Variants in RPS6KC1 observed in about 807,000 individuals in gnomAD.
The protein encoded by RPS6KC1 is ribosomal protein S6 kinase C1.
A neutral mutation model predicts 103.8 loss-of-function variants in RPS6KC1; 54 were observed. The ratio of observed to expected loss-of-function variants is 0.52; its 90% CI spans 0.42 to 0.65. The LOEUF is 0.65. Among genes scored for constraint, RPS6KC1 ranks in the 30% least tolerant of loss-of-function variants. The probability of loss-of-function intolerance (pLI) is 0.00; values close to 1 mark genes in which losing one functional copy is unlikely to be tolerated. For missense variants in RPS6KC1, 1,151 were observed against 1,253.8 expected (o/e 0.92, Z 1.24); for synonymous variants, 439 against 438.7 (o/e 1.00, Z -0.01).
chr1:213,635,847 A>C, the RPS6KC1 span, among the ~76,000 whole-genome samples: 10 of 152,116 alleles, frequency 6.6e-5, no homozygotes, highest in African/African-American at 2.2e-4. Flanking sequence ...TTGCAGATGA[A>C]ATGATTGTAT....
chr1:213,231,605 T>G (rs1473366372), intron 9 of RPS6KC1, among the ~76,000 whole-genome samples: 3 of 152,192 alleles, frequency 2.0e-5, no homozygotes, highest in Admixed American at 2.0e-4. Flanking sequence ...TACTTTATCA[T>G]TGACATTTCT....
chr1:213,416,042 C>T, the RPS6KC1 span, among the ~76,000 whole-genome samples: 2 of 152,246 alleles, frequency 1.3e-5, no homozygotes, highest in African/African-American at 4.8e-5. Context: ...CTCATGACCA[C>T]CTCCCCTTTG....
At chr1:213,794,752 A>G in the RPS6KC1 span, among the ~76,000 whole-genome samples, 1 of 152,178 alleles carries the variant, frequency 6.6e-6, no homozygotes, top group Admixed American at 6.5e-5. Flanking sequence ...CCCGGGGAGA[A>G]TAGCTCTATA....
At chr1:213,514,227 G>T in the RPS6KC1 span, among the ~76,000 whole-genome samples, 1 of 151,960 alleles carries the variant, frequency 6.6e-6, no homozygotes, top group Non-Finnish European at 1.5e-5. Context: ...TGCTGAGGAA[G>T]GGATATATTT....
chr1:213,089,386 A>T (rs377533897), intron 3 of RPS6KC1, among the ~76,000 whole-genome samples: 64 of 150,950 alleles, frequency 4.2e-4, no homozygotes, highest in African/African-American at 1.5e-3. Flanking sequence ...TTTTCTTGAT[A>T]CCTTTCCCAT....
chr1:213,064,974 C>CTTTTT (rs34664044), intron 1 of RPS6KC1, among the ~76,000 whole-genome samples: 2 of 89,690 alleles, frequency 2.2e-5, no homozygotes, highest in African/African-American at 3.7e-5. Flanking sequence ...CGTGCCCGGC[C>CTTTTT]TTTTTTTTTT....
At chr1:213,570,506 G>A in the RPS6KC1 span, among the ~76,000 whole-genome samples, 12 of 152,110 alleles carry the variant, frequency 7.9e-5, no homozygotes, top group Admixed American at 7.2e-4. Flanking sequence ...TAGCAATCAT[G>A]GCATTCTGTG....
chr1:213,560,708 T>C, the RPS6KC1 span, among the ~76,000 whole-genome samples: 1 of 152,208 alleles, frequency 6.6e-6, no homozygotes, highest in Non-Finnish European at 1.5e-5. Context: ...AATTTTGTGA[T>C]AATTTTTTAC....
At chr1:213,491,616 A>C in the RPS6KC1 span, among the ~76,000 whole-genome samples, 2 of 152,214 alleles carry the variant, frequency 1.3e-5, no homozygotes, top group Non-Finnish European at 2.9e-5. Context: ...TTGCCTTTGA[A>C]GAGGGTGGTT....
At chr1:213,165,474 A>G (rs757027456) in intron 6 of RPS6KC1, among the ~76,000 whole-genome samples, 1 of 151,696 alleles carries the variant, frequency 6.6e-6, no homozygotes, top group Non-Finnish European at 1.5e-5. Flanking sequence ...CCCAGGCTGG[A>G]GTGCAGTGGC....
chr1:213,241,075 C>G lies in RPS6KC1; in HGVS notation c.1599C>G (p.Pro533=). 1 of 1,613,466 alleles carries G rather than the reference C, an allele frequency of 6.2e-7. No homozygotes were observed. Among genetic ancestry groups the G allele is most frequent in the Non-Finnish European group, 8.5e-7 (1 of 1,179,892 alleles). The change falls in exon 11 of 15, where the codon CCC becomes CCG. Residue 533 remains proline (P), a synonymous_variant. Transcript: ENST00000366960. ...AACCAGGGTCTTTGAATGAGGAGCC[C>G]TTCATGAAGACTGAAGGGAATGGTG... The part of the protein sequence containing the change: ...KIEPGSLNEE[P]FMKTEGNGVD...
chr1:213,205,251 G>T (rs564300818), intron 8 of RPS6KC1: 2 of 984,884 alleles, frequency 2.0e-6, no homozygotes, highest in African/African-American at 3.5e-5. Context: ...CACAGCCATG[G>T]TGAGACACTT....
At chr1:213,169,637 G>A (rs1256581495) in intron 7 of RPS6KC1, among the ~76,000 whole-genome samples, 1 of 151,908 alleles carries the variant, frequency 6.6e-6, no homozygotes, top group Non-Finnish European at 1.5e-5. Flanking sequence ...CCTTCCTCGT[G>A]TGCAGTACTA....
Position 213,051,347 on chromosome 1 carries a change from C to A in RPS6KC1, c.-58C>A. 7.3e-7 allele frequency: 1 copy of A among 1,377,840 alleles called. No homozygotes were observed. Among genetic ancestry groups the A allele is most frequent in the Non-Finnish European group, 1.0e-6 (1 of 973,534 alleles). The allele number at this position is 1,377,840 out of a possible 1,614,324, so 85.4% of individuals were successfully genotyped here. A position where few individuals can be genotyped will look rare whatever the true frequency, so the allele number is the denominator to read the frequency against. On this transcript the variant is annotated 5_prime_UTR_variant, in exon 1 of 15. Coordinates refer to ENST00000366960, the MANE Select transcript of RPS6KC1 (RefSeq NM_012424.6). ...CGTTGGGGAACCTGGACCGCGGCGG[C>A]GCCGGGTTTCCCTCATGATCCCGGG...
intron 1 of RPS6KC1, among the ~76,000 whole-genome samples, chr1:213,055,377 C>T (rs2077252974): frequency 6.6e-6 from 1 of 151,630 alleles, no homozygotes. Context: ...TGAGATTTAT[C>T]CATGTTGTCA....
At position 213,142,143 on chromosome 1, in the gene RPS6KC1, T is replaced by C. The variant is rs991753019; in HGVS notation, c.835+12254T>C. Among the ~76,000 whole-genome samples the C allele has an allele frequency of 2.0e-5, 3 of 152,232 alleles. No individual in the cohort carries two copies. In the East Asian group the frequency reaches 5.8e-4, roughly 29 times the overall value. On this transcript the variant is annotated intron_variant, in intron 6 of 14. Transcript: ENST00000366960. ...TATGTAATGCCTTTCCTTGTCCTTT[T>C]TGATCATTGTTGATTTAAAATCAGT... is the stretch of plus-strand genomic sequence containing the variant.
chr1:213,357,005 C>T, the RPS6KC1 span, among the ~76,000 whole-genome samples: 1 of 152,172 alleles, frequency 6.6e-6, no homozygotes, highest in Non-Finnish European at 1.5e-5. Flanking sequence ...GCTGTGGGCA[C>T]CAGCACAGGG....
intron 8 of RPS6KC1, among the ~76,000 whole-genome samples, chr1:213,205,547 G>GATATAGATATATATATATAT (rs1187996128): frequency 1.9e-4 from 19 of 102,476 alleles, no homozygotes; most frequent in African/African-American, 6.9e-4. Context: ...TATATATATA[G>GATATAGATATATATATATAT]ATATATATAT....
the RPS6KC1 span, among the ~76,000 whole-genome samples, chr1:213,538,205 A>G: frequency 0.81 from 123,671 of 152,150 alleles, 50,773 homozygotes; most frequent in East Asian, 0.98. Flanking sequence ...AGTTTGGTGA[A>G]ATAACTGAGG....
Sources: gnomAD v4.1 joint callset for allele counts (sites outside exome capture counted in the v4.1 genomes callset) on GRCh38, gnomAD v4.1.1 for gene constraint, MANE v1.5 for transcripts, NCBI Gene and HGNC (gene_info 2026-07-23, HGNC 2026-07-21) for gene names.